The following COL11A1 variants were observed in gnomAD, a reference collection of about 807,000 sequenced individuals.
COL11A1 encodes the protein collagen type XI alpha 1 chain, also known as collagen alpha-1(XI) chain.
A neutral mutation model predicts 265.2 loss-of-function variants in COL11A1; 74 were observed. That is an observed-to-expected ratio of 0.28 (90% CI 0.23 to 0.34). COL11A1 has a LOEUF of 0.34. Ranked by LOEUF, COL11A1 falls within the 10% of genes least tolerant of loss-of-function variation. The pLI, the probability that COL11A1 is intolerant of heterozygous loss-of-function variation, is 1.00. For synonymous variants in COL11A1, 816 were observed against 727.6 expected, an observed-to-expected ratio of 1.12 and a Z score of -1.96; for missense variants, 2,165 against 2,263.6, an observed-to-expected ratio of 0.96 and a Z score of 0.88.
chr1:103,074,445 T>A (rs889821762), intron 4 of COL11A1, among the ~76,000 whole-genome samples, 173 bp downstream of exon 4: 2 of 152,134 alleles, frequency 1.3e-5, no homozygotes, highest in Non-Finnish European at 1.5e-5. Flanking sequence ...GGTCATTCTC[T>A]TACTGAACAA....
At chr1:102,882,991 C>A (rs1400809052) in intron 64 of COL11A1, among the ~76,000 whole-genome samples, 1 of 152,082 alleles carries the variant, frequency 6.6e-6, no homozygotes, top group African/African-American at 2.4e-5. Flanking sequence ...AAGAATACAT[C>A]TGGGTAAAAA....
At chr1:102,965,262 ATTC>A (rs1366403059) in intron 38 of COL11A1, among the ~76,000 whole-genome samples, 1 of 152,116 alleles carries the variant, frequency 6.6e-6, no homozygotes, top group African/African-American at 2.4e-5. Flanking sequence ...CATTTATTTT[ATTC>A]TTCTCTTTTA....
At chr1:102,916,976 G>A (rs12118259) in intron 49 of COL11A1, among the ~76,000 whole-genome samples, 13,930 of 151,748 alleles carry the variant, frequency 0.092, 741 homozygotes, top group Middle Eastern at 0.13. Flanking sequence ...AAATGTCCAT[G>A]TTAAAATATT....
In COL11A1 at chr1:103,004,673, A is replaced by T; in HGVS notation, c.1846-12T>A. 6.2e-7 allele frequency: 1 copy of T among 1,605,178 alleles called. No individual in the cohort carries two copies. Among genetic ancestry groups the T allele is most frequent in the Non-Finnish European group, 8.5e-7 (1 of 1,174,316 alleles). ...GGACCTCGTTCACCCTGTTAAATCA[A>T]TACAAATAAGATTAGCATATGGAAA... is the stretch of plus-strand genomic sequence containing the variant. On this transcript the variant is annotated splice_polypyrimidine_tract_variant and intron_variant, in intron 18 of 66. Coordinates refer to ENST00000370096, the MANE Select transcript of COL11A1 (RefSeq NM_001854.4).
chr1:102,913,300 C>T (rs1654912820), intron 53 of COL11A1, among the ~76,000 whole-genome samples: 1 of 152,022 alleles, frequency 6.6e-6, no homozygotes, highest in Non-Finnish European at 1.5e-5. Context: ...ATAACTTTTG[C>T]TAATGATAGG....
At chr1:102,923,301 C>A in intron 47 of COL11A1, 35 bp downstream of exon 47, 1 of 1,560,750 alleles carries the variant, frequency 6.4e-7, no homozygotes, top group Non-Finnish European at 8.8e-7. Flanking sequence ...ATGCATATAA[C>A]ACATACCCAT....
intron 5 of COL11A1, 102 bp from the exon 6 acceptor site, chr1:103,026,434 G>T (rs1319476045): frequency 6.3e-6 from 5 of 795,738 alleles, no homozygotes; most frequent in Admixed American, 1.8e-5. Context: ...AATGTTAAGA[G>T]ATAAGAAATT....
intron 40 of COL11A1, 98 bp downstream of exon 40, chr1:102,962,078 A>T: frequency 9.0e-7 from 1 of 1,114,062 alleles, no homozygotes; most frequent in East Asian, 2.4e-5. Flanking sequence ...ATATGTTTAT[A>T]TATCTTCCCT....
Position 102,974,842 on chromosome 1 carries a change from T to C in COL11A1, c.2796A>G (p.Pro932=), listed in dbSNP as rs962477219. The change falls in exon 36 of 67, where the codon CCA becomes CCG. Residue 932 remains proline, a synonymous_variant. Coordinates refer to ENST00000370096, the MANE Select transcript of COL11A1 (RefSeq NM_001854.4). ...CTCTGACACTTACAGGAGGGCCTTT[T>C]GGTCCAGGGAATCCAACTGGACCCT... ...GPQGPVGFPG[P]KGPPGPPGKD... 1 of 1,613,330 alleles carries C rather than the reference T, an allele frequency of 6.2e-7. No individual in the cohort carries two copies. The highest frequency in any genetic ancestry group is 1.3e-5 in the African/African-American group (1 of 74,912).
At chr1:102,982,538 C>A (rs1281518679) in intron 31 of COL11A1, among the ~76,000 whole-genome samples, 1 of 151,966 alleles carries the variant, frequency 6.6e-6, no homozygotes, top group Admixed American at 6.6e-5. Context: ...GGAGACAGAG[C>A]AGTATATTAG....
intron 48 of COL11A1, 116 bp downstream of exon 48, chr1:102,921,402 A>T (rs988013774): frequency 1.2e-6 from 1 of 816,908 alleles, no homozygotes; most frequent in Non-Finnish European, 2.0e-6. Flanking sequence ...TGAGTTCTTA[A>T]CCACTTAATA....
rs144940259 is a variant in COL11A1 at position 102,999,424 on chromosome 1, G to A, written c.2143-1061C>T. Reference sequence around the variant, plus strand: ...CCTCCCTTTAACTAATATTTATTTTGTGTCTTGTTATTTTATACTGGACTC... The same window carrying A: ...CCTCCCTTTAACTAATATTTATTTTATGTCTTGTTATTTTATACTGGACTC... On this transcript the variant is annotated intron_variant, in intron 24 of 66. Transcript: ENST00000370096. Among the ~76,000 whole-genome samples, 182 of 151,836 alleles carry A rather than the reference G, an allele frequency of 1.2e-3. 4 individuals are homozygous for A. The East Asian group carries it at 0.028, about 23-fold the overall frequency.
At chr1:103,090,458 A>C (rs1673232072) in intron 1 of COL11A1, among the ~76,000 whole-genome samples, 1 of 152,210 alleles carries the variant, frequency 6.6e-6, no homozygotes. Context: ...GCTATATTTC[A>C]AAATCATGAT....
At chr1:103,002,724 T>C in intron 22 of COL11A1, 23 bp downstream of exon 22, 2 of 1,599,100 alleles carry the variant, frequency 1.3e-6, no homozygotes, top group African/African-American at 1.3e-5. Context: ...ATATGAGTTA[T>C]TTTATCACTA....
chr1:102,913,677 A>G lies in COL11A1; in HGVS notation c.3992T>C (p.Val1331Ala). ...GEPGPAGQDGVGGDKGEDGDP... is the reference protein window; with the variant it reads ...GEPGPAGQDGAGGDKGEDGDP... Reference sequence around the variant, plus strand: ...TCCATCTTCACCCTTGTCACCACCAACACCATCTTGACCCTATAAGAGGCA... The same window carrying G: ...TCCATCTTCACCCTTGTCACCACCAGCACCATCTTGACCCTATAAGAGGCA... The change falls in exon 53 of 67, where the codon GTT (valine) becomes GCT (alanine). Residue 1331 changes from valine (V) to alanine (A), a missense_variant. Coordinates refer to ENST00000370096, the MANE Select transcript of COL11A1 (RefSeq NM_001854.4). The G allele has an allele frequency of 6.2e-7, 1 of 1,613,568 alleles. No individual in the cohort carries two copies.
intron 49 of COL11A1, among the ~76,000 whole-genome samples, chr1:102,917,305 C>T (rs1262527628): frequency 6.6e-6 from 1 of 151,906 alleles, no homozygotes; most frequent in East Asian, 1.9e-4. Context: ...TTAAACTAGA[C>T]TCCTATCTCT....
chr1:102,997,242 C>CA, intron 25 of COL11A1, 118 bp from the exon 26 acceptor site: 1 of 972,248 alleles, frequency 1.0e-6, no homozygotes, highest in East Asian at 2.4e-5. Flanking sequence ...GTTTCAAAAA[C>CA]ATTGAACACT....
intron 54 of COL11A1, among the ~76,000 whole-genome samples, chr1:102,899,340 TTAATA>T (rs1652879588): frequency 6.6e-6 from 1 of 152,176 alleles, no homozygotes; most frequent in Non-Finnish European, 1.5e-5. Context: ...AGAAATTAAT[TTAATA>T]TATCTACTTG....
chr1:102,920,741 C>A (rs575837105), intron 48 of COL11A1, among the ~76,000 whole-genome samples: 6 of 152,092 alleles, frequency 3.9e-5, no homozygotes, highest in Non-Finnish European at 7.4e-5. Flanking sequence ...AAGAAACAAA[C>A]CCCTTATAAC....
Sources: allele counts gnomAD v4.1 joint callset (sites outside exome capture counted in the v4.1 genomes callset), GRCh38; gene constraint gnomAD v4.1.1; transcripts MANE v1.5; gene names NCBI Gene and HGNC (gene_info 2026-07-23, HGNC 2026-07-21).